Variants in PAMR1 observed in about 807,000 individuals in gnomAD.
PAMR1 encodes peptidase domain containing associated with muscle regeneration 1, also known as inactive serine protease PAMR1.
A neutral mutation model predicts 81.8 loss-of-function variants in PAMR1; 88 were observed. The ratio of observed to expected loss-of-function variants is 1.08; its 90% CI spans 0.91 to 1.28. The LOEUF is 1.28. Ranked by LOEUF, PAMR1 falls within the 50% of genes most tolerant of loss-of-function variation. The probability of loss-of-function intolerance (pLI) is 0.00; values close to 1 mark genes in which losing one functional copy is unlikely to be tolerated. For synonymous variants in PAMR1, 336 were observed against 345.3 expected (o/e 0.97, Z 0.30); for missense variants, 935 against 919.7 (o/e 1.02, Z -0.21).
rs71044524 is a variant in PAMR1, at chr11:35,507,039, CTTT to C, written c.74-12770_74-12768del. ...TCTCCTCTATTTTCAAATAGCCTGA[CTTT>C]TTTTTTTTTTTTTTTTTTTTTTTGA... On this transcript the variant is annotated intron_variant, in intron 1 of 10. Transcript: ENST00000619888. Among the ~76,000 whole-genome samples, 578 of 86,840 alleles carry C rather than the reference CTTT, an allele frequency of 6.7e-3. 48 individuals are homozygous for C. Among genetic ancestry groups the C allele is most frequent in the African/African-American group, 0.025 (548 of 22,340 alleles). 57.0% of individuals were successfully genotyped at this position (86,840 alleles called of 152,430 possible).
intron 1 of PAMR1, among the ~76,000 whole-genome samples, chr11:35,516,227 G>C (rs619997): frequency 0.3 from 46,063 of 152,090 alleles, 8,309 homozygotes; most frequent in African/African-American, 0.5. Flanking sequence ...ACGACAGAGC[G>C]AGGATTCAAA....
In PAMR1 at chr11:35,432,258, A is replaced by C. The variant is rs1855922542; in HGVS notation, c.*98T>G. On this transcript the variant is annotated 3_prime_UTR_variant, in exon 11 of 11. Coordinates refer to ENST00000619888, the MANE Select transcript of PAMR1 (RefSeq NM_001001991.3). ...CAGAAGCCCTGGCACAGCCAAGTTC[A>C]CAGGCCAAATCACACTTCAGGCCCA... 1.7e-6 allele frequency: 2 copies of C among 1,203,158 alleles called. No individual in the cohort carries two copies. The highest frequency in any genetic ancestry group is 2.9e-5 in the South Asian group (2 of 70,010). The allele number at this position is 1,203,158 out of a possible 1,614,324, so 74.5% of individuals were successfully genotyped here.
chr11:35,433,473 T>C (rs191855609), intron 10 of PAMR1, among the ~76,000 whole-genome samples: 39 of 152,368 alleles, frequency 2.6e-4, no homozygotes, highest in Middle Eastern at 6.8e-3. Context: ...TGCCTTTTGA[T>C]GGGAGCCTGT....
intron 1 of PAMR1, among the ~76,000 whole-genome samples, chr11:35,501,405 T>C (rs1270462615): frequency 6.6e-6 from 1 of 152,148 alleles, no homozygotes; most frequent in Non-Finnish European, 1.5e-5. Flanking sequence ...AGTGTTGAGA[T>C]TACAGGTGTG....
At chr11:35,442,639 T>C (rs1173241425) in intron 6 of PAMR1, among the ~76,000 whole-genome samples, 1 of 152,036 alleles carries the variant, frequency 6.6e-6, no homozygotes, top group Non-Finnish European at 1.5e-5. Context: ...TGAGACATGG[T>C]CTCACTCCGT....
intron 1 of PAMR1, among the ~76,000 whole-genome samples, chr11:35,522,866 T>C (rs961120185): frequency 1.3e-5 from 2 of 152,240 alleles, no homozygotes; most frequent in Admixed American, 6.5e-5. Flanking sequence ...TGAGAATTAA[T>C]GCATATGAAG....
chr11:35,484,368 G>T (rs2135392294), intron 3 of PAMR1, among the ~76,000 whole-genome samples: 3 of 152,322 alleles, frequency 2.0e-5, no homozygotes. Flanking sequence ...CCTGAGCATT[G>T]TTCTTTTTCT....
intron 3 of PAMR1, among the ~76,000 whole-genome samples, chr11:35,485,850 GGATAACGT>G (rs1259720535): frequency 6.6e-6 from 1 of 152,232 alleles, no homozygotes; most frequent in African/African-American, 2.4e-5. Context: ...AGCGCCTTCA[GGATAACGT>G]TGTCTGAAAG....
upstream of PAMR1, chr11:35,530,287 C>T (rs1196583710): frequency 1.3e-5 from 2 of 152,342 alleles, no homozygotes; most frequent in Non-Finnish European, 1.5e-5. Context: ...ATGGAAGTCT[C>T]CAGCCCTAAT....
intron 3 of PAMR1, among the ~76,000 whole-genome samples, chr11:35,486,474 A>G (rs1485459586): frequency 1.3e-5 from 2 of 152,210 alleles, no homozygotes; most frequent in African/African-American, 4.8e-5. Flanking sequence ...CATTCAAGAA[A>G]TATCTTTTGA....
At chr11:35,451,216 C>T (rs1431357966) in intron 6 of PAMR1, among the ~76,000 whole-genome samples, 1 of 152,152 alleles carries the variant, frequency 6.6e-6, no homozygotes, top group Non-Finnish European at 1.5e-5. Context: ...TGGCTTGTAG[C>T]TCTACTATAT....
At chr11:35,461,535 G>A (rs1856654324) in intron 6 of PAMR1, among the ~76,000 whole-genome samples, 2 of 151,980 alleles carry the variant, frequency 1.3e-5, no homozygotes, top group South Asian at 2.1e-4. Flanking sequence ...ATACTAAGAT[G>A]TCACTTGGGC....
At chr11:35,518,778 C>G (rs1317663464) in intron 1 of PAMR1, among the ~76,000 whole-genome samples, 6 of 152,134 alleles carry the variant, frequency 3.9e-5, no homozygotes, top group South Asian at 2.1e-4. Context: ...AACATCCCCT[C>G]TCCATCCAGT....
At chr11:35,513,893 T>C (rs1484453674) in intron 1 of PAMR1, among the ~76,000 whole-genome samples, 2 of 152,238 alleles carry the variant, frequency 1.3e-5, no homozygotes, top group African/African-American at 4.8e-5. Flanking sequence ...GTGATGCTGC[T>C]TTTACTATAT....
intron 1 of PAMR1, chr11:35,513,526 C>G (rs1851109549): frequency 6.6e-6 from 1 of 152,198 alleles, no homozygotes; most frequent in Non-Finnish European, 1.5e-5. Flanking sequence ...TTGCTCTGAG[C>G]CAGAAACCAT....
chr11:35,483,058 T>C (rs1320120134), intron 3 of PAMR1, among the ~76,000 whole-genome samples: 1 of 152,168 alleles, frequency 6.6e-6, no homozygotes, highest in African/African-American at 2.4e-5. Context: ...TCCTTGCTTG[T>C]TCACAACAAG....
chr11:35,460,615 G>A (rs1281736160), intron 6 of PAMR1, among the ~76,000 whole-genome samples: 6 of 152,066 alleles, frequency 3.9e-5, no homozygotes, highest in Non-Finnish European at 8.8e-5. Context: ...GAGAATGATG[G>A]TTTCCAGCTT....
At chr11:35,478,730 G>A (rs912227049) in intron 3 of PAMR1, among the ~76,000 whole-genome samples, 9 of 152,336 alleles carry the variant, frequency 5.9e-5, no homozygotes, top group Middle Eastern at 6.8e-3. Flanking sequence ...AACCTAGCAG[G>A]TGGTCCTGAG....
Position 35,477,017 on chromosome 11 carries a change from A to G in PAMR1, c.380-2273T>C, listed in dbSNP as rs140438748. Among the ~76,000 whole-genome samples the G allele has an allele frequency of 3.9e-5, 6 of 152,292 alleles. No individual in the cohort carries two copies. The East Asian group carries it at 1.2e-3, about 29-fold the overall frequency. ...GCACTCCAGCCTAGGTGACAGAGCA[A>G]GACTTCATCTAAAAACATAGAATAA... On this transcript the variant is annotated intron_variant, in intron 3 of 10. Coordinates refer to ENST00000619888, the MANE Select transcript of PAMR1 (RefSeq NM_001001991.3).
Sources: allele counts gnomAD v4.1 joint callset (sites outside exome capture counted in the v4.1 genomes callset), GRCh38; gene constraint gnomAD v4.1.1; transcripts MANE v1.5; gene names NCBI Gene and HGNC (gene_info 2026-07-23, HGNC 2026-07-21).